The following CSMD1 variants were observed in gnomAD, a reference collection of about 807,000 sequenced individuals.
CSMD1 encodes the protein CUB and sushi domain-containing protein 1.
CSMD1 carries 213 observed loss-of-function variants against 417.5 expected under a neutral mutation model. The ratio of observed to expected loss-of-function variants is 0.51; its 90% CI spans 0.46 to 0.57. The LOEUF is 0.57. Ranked by LOEUF, CSMD1 falls within the 20% of genes least tolerant of loss-of-function variation. CSMD1 has a pLI of 0.00. For synonymous variants in CSMD1, 2,862 were observed against 1,736.8 expected (o/e 1.65, Z -16.11); for missense variants, 6,923 against 4,529.7 (o/e 1.53, Z -15.17).
At chr8:4,288,627 A>G (rs1407561541) in intron 3 of CSMD1, among the ~76,000 whole-genome samples, 5 of 152,174 alleles carry the variant, frequency 3.3e-5, no homozygotes, top group African/African-American at 9.7e-5. Flanking sequence ...AAGGTGAAGG[A>G]TGTTGCCACC....
chr8:3,448,633 G>A (rs1178133652), intron 12 of CSMD1, among the ~76,000 whole-genome samples: 2 of 152,028 alleles, frequency 1.3e-5, no homozygotes, highest in Admixed American at 1.3e-4. Context: ...GAGAGTGTGG[G>A]GCAAGGAGCG....
chr8:2,991,213 C>G (rs1202436057), intron 54 of CSMD1, among the ~76,000 whole-genome samples: 1 of 152,166 alleles, frequency 6.6e-6, no homozygotes, highest in East Asian at 1.9e-4. Context: ...ACTCAATGTT[C>G]TTCCACTTAA....
At chr8:4,053,936 C>A (rs1283993522) in intron 3 of CSMD1, among the ~76,000 whole-genome samples, 1 of 152,142 alleles carries the variant, frequency 6.6e-6, no homozygotes, top group Non-Finnish European at 1.5e-5. Flanking sequence ...TTACTTAACA[C>A]ATATCTGTGC....
chr8:3,792,880 C>T (rs149369935), intron 5 of CSMD1, among the ~76,000 whole-genome samples: 102 of 152,244 alleles, frequency 6.7e-4, no homozygotes, highest in African/African-American at 2.0e-3. Context: ...ACATACTTGC[C>T]TTGAGAACAT....
chr8:4,472,667 ATTGCT>A lies in CSMD1; in HGVS notation c.303-52607_303-52603del, dbSNP rs199873608. On this transcript the variant is annotated intron_variant, in intron 2 of 69. Transcript: ENST00000635120. ...TAAACAAATAATTTATAAAATATTA[ATTGCT>A]TTGTTATATCAAGAAAATATTGAAA... Among the ~76,000 whole-genome samples, 893 of 152,176 alleles carry A rather than the reference ATTGCT, an allele frequency of 5.9e-3. 11 individuals carry two copies. The highest frequency in any genetic ancestry group is 0.02 in the African/African-American group (836 of 41,572).
At chr8:4,905,201 C>G (rs1476558099) in intron 1 of CSMD1, among the ~76,000 whole-genome samples, 1 of 152,018 alleles carries the variant, frequency 6.6e-6, no homozygotes, top group Non-Finnish European at 1.5e-5. Flanking sequence ...TATTTGATAT[C>G]TCATCTGTGA....
chr8:4,933,320 G>A (rs1264358121), intron 1 of CSMD1, among the ~76,000 whole-genome samples: 5 of 152,104 alleles, frequency 3.3e-5, no homozygotes, highest in African/African-American at 7.2e-5. Flanking sequence ...GTATAATCAT[G>A]CATTAATATG....
intron 1 of CSMD1, among the ~76,000 whole-genome samples, chr8:4,889,793 C>G (rs1167489195): frequency 1.3e-5 from 2 of 152,140 alleles, no homozygotes; most frequent in East Asian, 3.9e-4. Context: ...TAGTGAGGGC[C>G]TACTATGTTG....
At chr8:3,654,318 A>G (rs1199715314) in intron 7 of CSMD1, among the ~76,000 whole-genome samples, 5 of 152,214 alleles carry the variant, frequency 3.3e-5, no homozygotes, top group South Asian at 4.1e-4. Context: ...AAATTATGTA[A>G]TAATTCATAC....
chr8:4,896,145 T>G (rs761273053), intron 1 of CSMD1, among the ~76,000 whole-genome samples: 1 of 152,124 alleles, frequency 6.6e-6, no homozygotes, highest in Non-Finnish European at 1.5e-5. Flanking sequence ...TAAATATTTT[T>G]TTAAACATTT....
chr8:3,044,006 G>GA (rs1054490056), intron 50 of CSMD1, among the ~76,000 whole-genome samples: 1 of 151,792 alleles, frequency 6.6e-6, no homozygotes, highest in Non-Finnish European at 1.5e-5. Flanking sequence ...TACTTCAGGG[G>GA]AAAAAAAAGC....
At chr8:3,448,632 G>T (rs1815489363) in intron 12 of CSMD1, among the ~76,000 whole-genome samples, 1 of 152,044 alleles carries the variant, frequency 6.6e-6, no homozygotes, top group African/African-American at 2.4e-5. Context: ...TGAGAGTGTG[G>T]GGCAAGGAGC....
At position 4,238,056 on chromosome 8, in the gene CSMD1, C is replaced by T. The variant is rs183527884; in HGVS notation, c.415+181897G>A. ...CCAGCACGTTGCTTAGTTTTTCTAC[C>T]CTAGGAGGCCTCAAGAGATTGTAAA... On this transcript the variant is annotated intron_variant, in intron 3 of 69. Transcript: ENST00000635120. Among the ~76,000 whole-genome samples the T allele has an allele frequency of 2.7e-4, 41 of 152,168 alleles. 1 individual carries two copies. The East Asian group carries it at 5.8e-3, about 22-fold the overall frequency.
chr8:4,479,497 A>C (rs1035585933), intron 2 of CSMD1, among the ~76,000 whole-genome samples: 3 of 152,226 alleles, frequency 2.0e-5, no homozygotes, highest in Non-Finnish European at 4.4e-5. Flanking sequence ...ATGGATTCTC[A>C]GTAGTTTCAT....
chr8:3,598,510 C>G (rs1377963202), intron 8 of CSMD1, among the ~76,000 whole-genome samples: 1 of 152,176 alleles, frequency 6.6e-6, no homozygotes, highest in African/African-American at 2.4e-5. Context: ...TCCTTCCCAT[C>G]CTCCAAGCCC....
At position 3,498,615 on chromosome 8, in the gene CSMD1, C is replaced by T. The variant is rs140815717; in HGVS notation, c.1345-4889G>A. 2.3e-3 allele frequency among the ~76,000 whole-genome samples: 354 copies of T among 152,266 alleles called. 3 individuals carry two copies. Among genetic ancestry groups the T allele is most frequent in the African/African-American group, 7.7e-3 (320 of 41,570 alleles). On this transcript the variant is annotated intron_variant, in intron 10 of 69. Coordinates refer to ENST00000635120, the MANE Select transcript of CSMD1 (RefSeq NM_033225.6). ...TCCTACACCTTTCTGATCTCTTCTCCTTCTAGAACTCCCATAATGGGAATA... is the reference window on the plus strand; with the variant it reads ...TCCTACACCTTTCTGATCTCTTCTCTTTCTAGAACTCCCATAATGGGAATA...
At chr8:4,793,519 A>G (rs527404777) in intron 1 of CSMD1, among the ~76,000 whole-genome samples, 4 of 151,952 alleles carry the variant, frequency 2.6e-5, no homozygotes, top group Non-Finnish European at 5.9e-5. Flanking sequence ...CACCTACACC[A>G]GGGCACAGTC....
chr8:3,334,650 A>T lies in CSMD1; in HGVS notation c.3631+8644T>A, dbSNP rs79171067. ...CGTCAATATCAGATCACCCACCTTCACCTTTTACTTATTGTGGCAAAAACA... is the reference window on the plus strand; with the variant it reads ...CGTCAATATCAGATCACCCACCTTCTCCTTTTACTTATTGTGGCAAAAACA... On this transcript the variant is annotated intron_variant, in intron 23 of 69. Transcript: ENST00000635120. Among the ~76,000 whole-genome samples, 7 of 152,278 alleles carry T rather than the reference A, an allele frequency of 4.6e-5. No individual in the cohort carries two copies. The East Asian group carries it at 1.3e-3, about 29-fold the overall frequency.
chr8:3,428,328 C>T (rs1417708597), intron 12 of CSMD1, among the ~76,000 whole-genome samples: 1 of 152,126 alleles, frequency 6.6e-6, no homozygotes, highest in East Asian at 1.9e-4. Context: ...AATGGCCAGG[C>T]CTCAAGAGAA....
Sources: allele counts gnomAD v4.1 joint callset (sites outside exome capture counted in the v4.1 genomes callset), GRCh38; gene constraint gnomAD v4.1.1; transcripts MANE v1.5; gene names NCBI Gene and HGNC (gene_info 2026-07-23, HGNC 2026-07-21).